ACAD8: variants seen among roughly 807,000 people sequenced by gnomAD.
ACAD8 encodes the protein acyl-CoA dehydrogenase family member 8.
ACAD8 carries 47 observed loss-of-function variants against 53.1 expected under a neutral mutation model. That is an observed-to-expected ratio of 0.89 (90% CI 0.70 to 1.13). The LOEUF is 1.13. Ranked by LOEUF, ACAD8 falls within the 50% of genes most tolerant of loss-of-function variation. ACAD8 has a pLI of 0.00. For synonymous variants in ACAD8, 198 were observed against 201.3 expected (o/e 0.98, Z 0.14); for missense variants, 494 against 535.0 (o/e 0.92, Z 0.76).
rs886048022 is a variant in ACAD8 at position 134,257,152 on chromosome 11, A to G, written c.275A>G (p.Gln92Arg). The change falls in exon 3 of 11, where the codon CAA (glutamine) becomes CGA (arginine). Residue 92 changes from glutamine to arginine, a missense_variant. Coordinates refer to ENST00000281182, the MANE Select transcript of ACAD8 (RefSeq NM_014384.3). The part of the protein sequence containing the change: ...AQLGFGGVYI[Q>R]TDVGGSGLSR... ...CTAGGCTTCGGAGGGGTCTACATAC[A>G]AACAGATGTGGGCGGGTCTGGGCTG... 9 of 1,614,170 alleles carry G rather than the reference A, an allele frequency of 5.6e-6. No homozygotes were observed. Among genetic ancestry groups the G allele is most frequent in the Non-Finnish European group, 7.6e-6 (9 of 1,180,034 alleles).
Position 134,261,440 on chromosome 11 carries a change from A to G in ACAD8, c.939+68A>G, listed in dbSNP as rs1471094507. 9 of 1,576,182 alleles carry G rather than the reference A, an allele frequency of 5.7e-6. No homozygotes were observed. In the Admixed American group the frequency reaches 1.0e-4, roughly 18 times the overall value. On this transcript the variant is annotated intron_variant, in intron 8 of 10. Coordinates refer to ENST00000281182, the MANE Select transcript of ACAD8 (RefSeq NM_014384.3). This position sits in a 1 kb window ranked among gnomAD's most constrained non-coding sequence, Gnocchi z 4.2. ...GCCCGGGACCTGCTCTAGGGCCCACATTTCCAGGAGAGAAGCCAGGAAATT... is the reference window on the plus strand; with the variant it reads ...GCCCGGGACCTGCTCTAGGGCCCACGTTTCCAGGAGAGAAGCCAGGAAATT...
At chr11:134,264,134 C>A in intron 10 of ACAD8, 1 of 846,398 alleles carries the variant, frequency 1.2e-6, no homozygotes, top group Non-Finnish European at 1.4e-6. Flanking sequence ...CGCGTGAGGC[C>A]AGGAGTTCGA....
In ACAD8 at chr11:134,265,543, C is replaced by G. The variant is rs1297531805; in HGVS notation, c.*583C>G. On this transcript the variant is annotated 3_prime_UTR_variant, in exon 11 of 11. Coordinates refer to ENST00000281182, the MANE Select transcript of ACAD8 (RefSeq NM_014384.3). ...GGGTGTATTTCTACTTCTGGACTGC[C>G]TCAATATCAAGGGCTGAGACTTTTG... is the stretch of plus-strand genomic sequence containing the variant. 6.5e-6 allele frequency: 1 copy of G among 153,020 alleles called. No homozygotes were observed. Among genetic ancestry groups the G allele is most frequent in the African/African-American group, 2.4e-5 (1 of 41,446 alleles). The allele number at this position is 153,020 out of a possible 1,614,324, so 9.5% of individuals were successfully genotyped here. A position where few individuals can be genotyped will look rare whatever the true frequency, so the allele number is the denominator to read the frequency against.
rs974935321 is a variant in ACAD8, at chr11:134,262,584, A to G, written c.1157A>G (p.Gln386Arg). ...TACCTGAAGGATTACGCTGTTCAGC[A>G]GTACGTGCGGGACTCCAGGGTCCAC... is the stretch of plus-strand genomic sequence containing the variant. ...YGYLKDYAVQ[Q>R]YVRDSRVHQI... The change falls in exon 10 of 11, where the codon CAG (glutamine) becomes CGG (arginine). Residue 386 changes from glutamine to arginine, a missense_variant. Transcript: ENST00000281182. 10 of 1,613,976 alleles carry G rather than the reference A, an allele frequency of 6.2e-6. No individual in the cohort carries two copies. The highest frequency in any genetic ancestry group is 1.1e-5 in the South Asian group (1 of 91,070).
chr11:134,255,348 C>G (rs937899828), intron 1 of ACAD8, among the ~76,000 whole-genome samples: 4 of 152,194 alleles, frequency 2.6e-5, no homozygotes, highest in Admixed American at 6.5e-5. Flanking sequence ...GTTGGACAAG[C>G]TGGACTTGAA....
Position 134,262,920 on chromosome 11 carries a change from C to T in ACAD8, c.1195+298C>T, listed in dbSNP as rs770470917. The stretch of plus-strand genomic sequence containing the variant: ...GAGAAAGCATGTTGAAAACCACAGC[C>T]GGGGCTTTTCTCTAAGGTTATCGAG... On this transcript the variant is annotated intron_variant, in intron 10 of 10. Transcript: ENST00000281182. The T allele has an allele frequency of 4.7e-5, 62 of 1,310,926 alleles. No individual in the cohort carries two copies. In the Admixed American group the frequency reaches 5.9e-4, roughly 13 times the overall value. 81.2% of individuals were successfully genotyped at this position (1,310,926 alleles called of 1,614,324 possible). A position where few individuals can be genotyped will look rare whatever the true frequency, so the allele number is the denominator to read the frequency against.
intron 6 of ACAD8, 78 bp downstream of exon 6, chr11:134,259,823 G>A: frequency 1.2e-6 from 2 of 1,608,800 alleles, no homozygotes; most frequent in Non-Finnish European, 1.7e-6. Flanking sequence ...CTCTATTTCA[G>A]AAAACAGGTT....
intron 10 of ACAD8, chr11:134,264,203 G>T (rs754760070): frequency 7.0e-6 from 2 of 287,304 alleles, no homozygotes; most frequent in African/African-American, 4.6e-5. Flanking sequence ...AAGTTAGCTG[G>T]GCGTGGTGGT....
At chr11:134,263,855 C>T (rs1466395613) in intron 10 of ACAD8, 43 of 985,262 alleles carry the variant, frequency 4.4e-5, no homozygotes, top group Non-Finnish European at 5.2e-5. Flanking sequence ...GATAAATCTA[C>T]AGTTTATGCT....
intron 9 of ACAD8, 163 bp from the exon 10 acceptor site, chr11:134,262,357 C>A (rs1939934149): frequency 3.0e-6 from 2 of 671,802 alleles, no homozygotes; most frequent in African/African-American, 3.6e-5. Context: ...CTTCCCTTGT[C>A]TCTAACCATA....
At position 134,259,005 on chromosome 11, in the gene ACAD8, C is replaced by G. The variant is rs374855357; in HGVS notation, c.491-3C>G. The G allele has an allele frequency of 1.2e-6, 2 of 1,613,506 alleles. No individual in the cohort carries two copies. The highest frequency in any genetic ancestry group is 2.7e-5 in the African/African-American group (2 of 74,912). ...TCTCTGCTGCCTTTTGATCCCTCCTCAGGAAGTGGGAGTGATGCTGCCTCT... is the reference window on the plus strand; with the variant it reads ...TCTCTGCTGCCTTTTGATCCCTCCTGAGGAAGTGGGAGTGATGCTGCCTCT... On this transcript the variant is annotated splice_region_variant and splice_polypyrimidine_tract_variant and intron_variant, in intron 4 of 10. Transcript: ENST00000281182.
At chr11:134,254,920 A>T (rs1487018032) in intron 1 of ACAD8, among the ~76,000 whole-genome samples, 1 of 152,200 alleles carries the variant, frequency 6.6e-6, no homozygotes, top group African/African-American at 2.4e-5. Context: ...TTTTGTTTTT[A>T]TACTGTATTT....
intron 6 of ACAD8, 118 bp downstream of exon 6, chr11:134,259,863 G>C: frequency 1.3e-6 from 2 of 1,545,176 alleles, no homozygotes; most frequent in African/African-American, 1.4e-5. Flanking sequence ...CTTTGAAGCA[G>C]TTGCTTCTAT....
intron 10 of ACAD8, among the ~76,000 whole-genome samples, chr11:134,264,603 T>G (rs1230192502): frequency 6.6e-6 from 1 of 152,254 alleles, no homozygotes; most frequent in Non-Finnish European, 1.5e-5. Context: ...TTACTCTGCC[T>G]TTGTTGGTAC....
chr11:134,263,280 G>A (rs1457641918), intron 10 of ACAD8: 24 of 1,002,166 alleles, frequency 2.4e-5, no homozygotes, highest in Admixed American at 5.3e-5. Flanking sequence ...GTGAAGCAAC[G>A]TGAGGCTGCC....
In ACAD8 at chr11:134,257,113, G is replaced by A. The variant is rs141333391; in HGVS notation, c.236G>A (p.Arg79Gln). ...QKELFPVDVM[R>Q]KAAQLGFGGV... is the part of the protein sequence containing the mutation. ...GAGCTGTTCCCAGTGGATGTGATGC[G>A]GAAGGCAGCCCAGCTAGGCTTCGGA... The change falls in exon 3 of 11, where the codon CGG becomes CAG. Residue 79 changes from arginine (R) to glutamine (Q), a missense_variant. Transcript: ENST00000281182. The A allele has an allele frequency of 1.5e-5, 25 of 1,614,026 alleles. No individual in the cohort carries two copies. The highest frequency in any genetic ancestry group is 6.7e-5 in the East Asian group (3 of 44,878).
chr11:134,254,006 TCCTCCGGCCGGTCACCCCCCGCAGGTTCC>T (rs1184638406), intron 1 of ACAD8, among the ~76,000 whole-genome samples: 28 of 134,284 alleles, frequency 2.1e-4, no homozygotes, highest in African/African-American at 6.7e-4. Flanking sequence ...GCCCCGGTCC[TCCTCCGGCCGGTCACCCCCCGCAGGTTCC>T]CCTCCGGCCG....
At chr11:134,262,057 C>G in intron 9 of ACAD8, 167 bp downstream of exon 9, 1 of 812,454 alleles carries the variant, frequency 1.2e-6, no homozygotes, top group South Asian at 1.5e-5. Flanking sequence ...TGTGGGAGCT[C>G]TCATCGCTGG....
intron 4 of ACAD8, 117 bp from the exon 5 acceptor site, chr11:134,258,891 C>G: frequency 1.0e-6 from 1 of 963,582 alleles, no homozygotes; most frequent in Non-Finnish European, 1.7e-6. Context: ...TTTGCAGTGA[C>G]ACACTCTGAG....
Sources: allele counts gnomAD v4.1 joint callset (sites outside exome capture counted in the v4.1 genomes callset), GRCh38; gene constraint gnomAD v4.1.1; non-coding constraint Gnocchi (gnomAD v3.1); transcripts MANE v1.5; gene names NCBI Gene and HGNC (gene_info 2026-07-23, HGNC 2026-07-21).